PTK2: variants seen among roughly 807,000 people sequenced by gnomAD.
PTK2 encodes the protein focal adhesion kinase 1.
Under a neutral mutation model 150.1 loss-of-function variants are expected in PTK2, and 45 were observed. The ratio of observed to expected loss-of-function variants is 0.30; its 90% confidence interval spans 0.24 to 0.38. The LOEUF (loss-of-function observed/expected upper bound fraction) is 0.38. Ranked by LOEUF, PTK2 falls within the 10% of genes least tolerant of loss-of-function variation. The pLI, the probability that PTK2 is intolerant of heterozygous loss-of-function variation, is 1.00. For synonymous variants in PTK2, 432 were observed against 449.2 expected (o/e 0.96, Z 0.48); for missense variants, 919 against 1,307.3 (o/e 0.70, Z 4.58).
chr8:140,891,074 A>G (rs1023658600), intron 2 of PTK2, among the ~76,000 whole-genome samples: 11 of 44,924 alleles, frequency 2.4e-4, no homozygotes, highest in Admixed American at 1.2e-3. Flanking sequence ...CCCCTTTTTT[A>G]ATCATAGCCT....
intron 1 of PTK2, among the ~76,000 whole-genome samples, chr8:140,973,378 T>C (rs976812307): frequency 1.6e-4 from 25 of 152,282 alleles, no homozygotes; most frequent in African/African-American, 5.1e-4. Context: ...GTCATTTGAC[T>C]TTTCTGGGTT....
intron 10 of PTK2, among the ~76,000 whole-genome samples, chr8:140,804,149 C>T (rs1280049222): frequency 1.3e-5 from 2 of 152,042 alleles, no homozygotes; most frequent in Admixed American, 1.3e-4. Context: ...AAGGGCCCTT[C>T]CCAATACAGA....
chr8:140,924,197 T>C (rs1364094620), intron 2 of PTK2, among the ~76,000 whole-genome samples: 1 of 152,086 alleles, frequency 6.6e-6, no homozygotes, highest in Admixed American at 6.5e-5. Context: ...GGGACACTCT[T>C]GCCCCCGCGT....
rs773525245 is a variant in PTK2, at chr8:140,879,429, G to A, written c.362+42C>T. The A allele has an allele frequency of 2.6e-6, 4 of 1,518,298 alleles. No homozygotes were observed. In the African/African-American group the frequency reaches 4.2e-5, roughly 16 times the overall value. The allele number at this position is 1,518,298 out of a possible 1,614,324, so 94.1% of individuals were successfully genotyped here. ...TTGTGCATGTTTTTAAAAAGCAAAA[G>A]AAATCAAGTGTGCATCACACCAAAG... On this transcript the variant is annotated intron_variant, in intron 4 of 31. Transcript: ENST00000522684.
At chr8:140,747,286 G>A (rs573443665) in intron 17 of PTK2, 4 of 170,932 alleles carry the variant, frequency 2.3e-5, no homozygotes, top group Admixed American at 6.0e-5. Context: ...CAATTCCACA[G>A]GTCAGTTCAG....
rs187476893 is a variant in PTK2, at chr8:140,991,463, T to G, written c.-122+9662A>C. ...TAAAAATAATTAATCAGTATTAGCA[T>G]AAAACATTCAAAATCCCTAACAAAA... On this transcript the variant is annotated intron_variant, in intron 1 of 31. Coordinates refer to ENST00000522684, the Ensembl canonical transcript of PTK2. Among the ~76,000 whole-genome samples the G allele has an allele frequency of 3.8e-3, 585 of 152,312 alleles. 4 individuals are homozygous for G. Among genetic ancestry groups the G allele is most frequent in the African/African-American group, 0.013 (560 of 41,566 alleles).
intron 14 of PTK2, among the ~76,000 whole-genome samples, chr8:140,783,991 C>T (rs1423405618): frequency 6.6e-6 from 1 of 152,006 alleles, no homozygotes; most frequent in Non-Finnish European, 1.5e-5. Context: ...TGTGAAACCC[C>T]ATCTCTACTA....
intron 8 of PTK2, among the ~76,000 whole-genome samples, chr8:140,827,037 C>T (rs1567105852): frequency 6.6e-6 from 1 of 152,116 alleles, no homozygotes; most frequent in Non-Finnish European, 1.5e-5. Flanking sequence ...AATCACCTCC[C>T]AAGTCTTCTT....
At chr8:140,883,893 T>C (rs1568143607) in intron 3 of PTK2, among the ~76,000 whole-genome samples, 1 of 152,144 alleles carries the variant, frequency 6.6e-6, no homozygotes, top group Admixed American at 6.5e-5. Context: ...TGGGTCTCAC[T>C]GGCCTAAAAT....
At chr8:140,666,892 T>C (rs2092359858) in intron 30 of PTK2, among the ~76,000 whole-genome samples, 1 of 152,138 alleles carries the variant, frequency 6.6e-6, no homozygotes, top group South Asian at 2.1e-4. Context: ...GTTCAGTAAA[T>C]AAACAAAATG....
intron 1 of PTK2, among the ~76,000 whole-genome samples, chr8:140,978,731 T>C (rs1047113816): frequency 3.3e-5 from 5 of 151,824 alleles, no homozygotes; most frequent in African/African-American, 9.7e-5. Flanking sequence ...GAACCAGAAA[T>C]ACCATTTGAC....
exon 3 of PTK2, chr8:140,890,566 G>A: frequency 3.1e-6 from 5 of 1,613,998 alleles, no homozygotes; most frequent in Non-Finnish European, 4.2e-6. Context: ...GCATCTCCAT[G>A]CCTGATAATA....
chr8:140,902,939 T>TTTG lies in PTK2; in HGVS notation c.-32-12171_-32-12170insCAA, dbSNP rs1568516539. Among the ~76,000 whole-genome samples, 432 of 139,542 alleles carry TTTG rather than the reference T, an allele frequency of 3.1e-3. 5 individuals carry two copies. The highest frequency in any genetic ancestry group is 5.2e-3 in the Non-Finnish European group (336 of 64,136). The allele number at this position is 139,542 out of a possible 152,430, so 91.5% of individuals were successfully genotyped here. A position where few individuals can be genotyped will look rare whatever the true frequency, so the allele number is the denominator to read the frequency against. On this transcript the variant is annotated intron_variant, in intron 2 of 31. Transcript: ENST00000522684. ...GATGAGAGTTGTTTTTTTTTTTTTT[T>TTTG]TTTTTTTTTTTTTTTTTTTTGCCAT... is the stretch of plus-strand genomic sequence containing the variant.
chr8:140,759,397 G>A (rs1594297537), intron 16 of PTK2, among the ~76,000 whole-genome samples: 2 of 152,032 alleles, frequency 1.3e-5, no homozygotes, highest in East Asian at 3.9e-4. Flanking sequence ...AGCTGGGAAT[G>A]ATGGCACACA....
At chr8:140,821,249 C>T (rs547409028) in intron 8 of PTK2, 3 of 152,284 alleles carry the variant, frequency 2.0e-5, no homozygotes, top group Admixed American at 6.5e-5. Flanking sequence ...TTAAAAAGCT[C>T]GCTCTGCTCT....
intron 1 of PTK2, among the ~76,000 whole-genome samples, chr8:140,950,968 A>T (rs1324540941): frequency 2.0e-5 from 3 of 152,000 alleles, no homozygotes; most frequent in African/African-American, 7.2e-5. Context: ...TAATAATATA[A>T]ATAATATATA....
rs1469802864 is a variant in PTK2 at position 140,687,173 on chromosome 8, A to G, written c.2500-479T>C. 4 of 161,094 alleles carry G rather than the reference A, an allele frequency of 2.5e-5. No homozygotes were observed. The East Asian group carries it at 7.4e-4, about 30-fold the overall frequency. The allele number at this position is 161,094 out of a possible 1,614,324, so 10.0% of individuals were successfully genotyped here. ...ACAGAGAAATCTAGATTTTACGTAA[A>G]TAATAGTACGGAAATTTCACCAATA... On this transcript the variant is annotated intron_variant, in intron 26 of 31. Coordinates refer to ENST00000522684, the Ensembl canonical transcript of PTK2.
chr8:140,752,052 A>T, intron 17 of PTK2, 180 bp downstream of exon 20: 1 of 701,180 alleles, frequency 1.4e-6, no homozygotes, highest in Non-Finnish European at 2.6e-6. Flanking sequence ...ATGATGGTTT[A>T]CCTGGAAAAA....
At chr8:140,710,999 ACG>A (rs1248746181) in intron 23 of PTK2, among the ~76,000 whole-genome samples, 1 of 151,836 alleles carries the variant, frequency 6.6e-6, no homozygotes, top group African/African-American at 2.4e-5. Flanking sequence ...GTGCAGTGGC[ACG>A]ATCTCGGCTC....
Sources: gnomAD v4.1 joint callset for allele counts (sites outside exome capture counted in the v4.1 genomes callset) on GRCh38, gnomAD v4.1.1 for gene constraint, MANE v1.5 for transcripts, NCBI Gene and HGNC (gene_info 2026-07-23, HGNC 2026-07-21) for gene names.